ROBO2: variants seen among roughly 807,000 people sequenced by gnomAD.
ROBO2 encodes the protein roundabout homolog 2.
Under a neutral mutation model 160.8 loss-of-function variants are expected in ROBO2, and 53 were observed. The ratio of observed to expected loss-of-function variants is 0.33; its 90% CI spans 0.26 to 0.41. The LOEUF (loss-of-function observed/expected upper bound fraction) is 0.41, where lower values mean the gene tolerates loss of function less well. Among genes scored for constraint, ROBO2 ranks in the 10% least tolerant of loss-of-function variants. ROBO2 has a pLI of 1.00. For missense variants in ROBO2, 1,577 were observed against 1,722.4 expected, an observed-to-expected ratio of 0.92 and a Z score of 1.49; for synonymous variants, 664 against 611.7, an observed-to-expected ratio of 1.09 and a Z score of -1.26.
intron 2 of ROBO2, among the ~76,000 whole-genome samples, chr3:76,146,876 TCA>T (rs1053449648): frequency 4.1e-5 from 6 of 146,104 alleles, no homozygotes; most frequent in Non-Finnish European, 9.1e-5. Context: ...ACACACACAC[TCA>T]CACACACACA....
chr3:76,949,124 T>C (rs184551905), intron 2 of ROBO2, among the ~76,000 whole-genome samples: 1 of 151,744 alleles, frequency 6.6e-6, no homozygotes, highest in Admixed American at 6.6e-5. Flanking sequence ...TTTTTCCTTG[T>C]ATTCCCCTAA....
chr3:77,553,595 A>G (rs1169076674), intron 8 of ROBO2, among the ~76,000 whole-genome samples: 1 of 151,988 alleles, frequency 6.6e-6, no homozygotes, highest in Non-Finnish European at 1.5e-5. Flanking sequence ...GGAAAGTAAA[A>G]GTGCTACTCC....
chr3:76,344,692 A>T (rs980278451), intron 2 of ROBO2, among the ~76,000 whole-genome samples: 1 of 152,136 alleles, frequency 6.6e-6, no homozygotes, highest in Non-Finnish European at 1.5e-5. Context: ...AATCTAGTGG[A>T]TTTGGTTTAG....
At chr3:75,907,132 C>T (rs973416825) in intron 1 of ROBO2, among the ~76,000 whole-genome samples, 6 of 152,122 alleles carry the variant, frequency 3.9e-5, no homozygotes, top group African/African-American at 1.4e-4. Context: ...TGGTTGCGAT[C>T]CTCACGGCCA....
intron 2 of ROBO2, among the ~76,000 whole-genome samples, chr3:75,962,815 A>G (rs1187720568): frequency 5.9e-5 from 9 of 151,926 alleles, no homozygotes; most frequent in South Asian, 2.1e-4. Flanking sequence ...TGCCAGACAG[A>G]TGTGTTATTT....
intron 2 of ROBO2, among the ~76,000 whole-genome samples, chr3:76,017,884 A>G (rs1231695048): frequency 1.3e-5 from 2 of 152,124 alleles, no homozygotes; most frequent in Admixed American, 1.3e-4. Context: ...TTCCGTTTTT[A>G]TAGAAACTAA....
chr3:76,666,922 CTGA>C (rs963935993), intron 2 of ROBO2, among the ~76,000 whole-genome samples: 6 of 151,394 alleles, frequency 4.0e-5, no homozygotes, highest in African/African-American at 1.5e-4. Flanking sequence ...GATTTCTTCT[CTGA>C]TAATATTTCT....
At chr3:77,247,367 T>C (rs2089845317) in intron 2 of ROBO2, among the ~76,000 whole-genome samples, 1 of 152,170 alleles carries the variant, frequency 6.6e-6, no homozygotes, top group Non-Finnish European at 1.5e-5. Flanking sequence ...AGGGAGAGGA[T>C]ACAGTCTTTC....
intron 17 of ROBO2, among the ~76,000 whole-genome samples, chr3:77,590,178 C>T (rs562169164): frequency 6.6e-6 from 1 of 152,186 alleles, no homozygotes; most frequent in African/African-American, 2.4e-5. Context: ...TTATTAGTTA[C>T]TTGTTAGAAG....
intron 2 of ROBO2, among the ~76,000 whole-genome samples, chr3:77,008,407 A>C (rs189671365): frequency 6.6e-6 from 1 of 152,188 alleles, no homozygotes; most frequent in Admixed American, 6.5e-5. Flanking sequence ...TGCTGCCTAT[A>C]TGTATATGAC....
intron 2 of ROBO2, among the ~76,000 whole-genome samples, chr3:76,290,419 C>T (rs761013683): frequency 6.6e-6 from 1 of 152,092 alleles, no homozygotes; most frequent in Non-Finnish European, 1.5e-5. Context: ...AGCTTTTGGG[C>T]AGAGACTATG....
intron 2 of ROBO2, among the ~76,000 whole-genome samples, chr3:76,942,742 A>G (rs2078274652): frequency 6.6e-6 from 1 of 152,128 alleles, no homozygotes; most frequent in Non-Finnish European, 1.5e-5. Flanking sequence ...TTTGACATTG[A>G]ACACTTCACT....
intron 2 of ROBO2, among the ~76,000 whole-genome samples, chr3:76,366,872 T>G (rs1225279460): frequency 6.6e-6 from 1 of 151,990 alleles, no homozygotes; most frequent in African/African-American, 2.4e-5. Context: ...TATAGCATTA[T>G]TTTTCAGCAT....
intron 2 of ROBO2, among the ~76,000 whole-genome samples, chr3:77,425,709 G>A (rs1050515128): frequency 6.6e-6 from 1 of 150,470 alleles, no homozygotes; most frequent in Non-Finnish European, 1.5e-5. Flanking sequence ...GTGTCGCCCA[G>A]GCTGGAATGC....
At chr3:76,167,843 T>C (rs536918733) in intron 2 of ROBO2, among the ~76,000 whole-genome samples, 1 of 152,206 alleles carries the variant, frequency 6.6e-6, no homozygotes, top group Middle Eastern at 3.2e-3. Context: ...CATAATTTGT[T>C]AGGATTTCTG....
chr3:77,355,546 C>A (rs149684039), intron 2 of ROBO2, among the ~76,000 whole-genome samples: 2 of 152,026 alleles, frequency 1.3e-5, no homozygotes, highest in African/African-American at 2.4e-5. Flanking sequence ...TGCTGAGATG[C>A]GGATTCAGGA....
chr3:77,379,021 C>T (rs2073082369), intron 2 of ROBO2, among the ~76,000 whole-genome samples: 1 of 151,582 alleles, frequency 6.6e-6, no homozygotes, highest in Admixed American at 6.6e-5. Context: ...GATCTCGGCT[C>T]GCTGCAACCT....
intron 2 of ROBO2, among the ~76,000 whole-genome samples, chr3:76,175,938 A>G (rs949118475): frequency 6.6e-6 from 1 of 152,128 alleles, no homozygotes; most frequent in African/African-American, 2.4e-5. Flanking sequence ...AGAATTACAT[A>G]TGCTCAAATG....
At chr3:77,562,135 C>T (rs1460065062) in intron 9 of ROBO2, among the ~76,000 whole-genome samples, 6 of 149,886 alleles carry the variant, frequency 4.0e-5, no homozygotes, top group African/African-American at 1.3e-4. Flanking sequence ...TTCTTCTTCA[C>T]TTTTTTCCAT....
Sources: allele counts gnomAD v4.1 joint callset (sites outside exome capture counted in the v4.1 genomes callset), GRCh38; gene constraint gnomAD v4.1.1; transcripts MANE v1.5; gene names NCBI Gene and HGNC (gene_info 2026-07-23, HGNC 2026-07-21).